The following MIB1 variants were observed in gnomAD, a reference collection of about 807,000 sequenced individuals.
MIB1 encodes the protein E3 ubiquitin-protein ligase MIB1.
In MIB1, 278 loss-of-function variants were observed where a neutral mutation model predicts 124.5. The ratio of observed to expected loss-of-function variants is 2.23; its 90% CI spans 2.02 to 2.47. The LOEUF (loss-of-function observed/expected upper bound fraction) is 2.47, where lower values mean the gene tolerates loss of function less well. Among genes scored for constraint, MIB1 ranks in the 30% most tolerant of loss-of-function variants. The probability of loss-of-function intolerance (pLI) is 0.00; values close to 1 mark genes in which losing one functional copy is unlikely to be tolerated. For synonymous variants in MIB1, 446 were observed against 429.4 expected (o/e 1.04, Z -0.48); for missense variants, 957 against 1,254.4 (o/e 0.76, Z 3.58).
Position 21,815,625 on chromosome 18 carries a change from G to A in MIB1, c.1489G>A (p.Gly497Ser). 6.2e-7 allele frequency: 1 copy of A among 1,613,716 alleles called. No homozygotes were observed. The highest frequency in any genetic ancestry group is 8.5e-7 in the Non-Finnish European group (1 of 1,179,722). ...CAATACTAATGATTAGGATAAAGAT[G>A]GTGATAGAGCAGTTCACCATGCAGC... ...NVDVEAEDKD[G>S]DRAVHHAAFG... The change falls in exon 11 of 21, where the codon GGT becomes AGT. Residue 497 changes from glycine (G) to serine (S), a missense_variant. Transcript: ENST00000261537.
chr18:21,750,523 T>C (rs2040962860), intron 1 of MIB1, among the ~76,000 whole-genome samples: 1 of 152,168 alleles, frequency 6.6e-6, no homozygotes, highest in Non-Finnish European at 1.5e-5. Context: ...GAGACGGGGT[T>C]TCACCGTGTT....
intron 4 of MIB1, among the ~76,000 whole-genome samples, chr18:21,774,457 A>G (rs1366628046): frequency 6.6e-6 from 1 of 152,132 alleles, no homozygotes; most frequent in Non-Finnish European, 1.5e-5. Context: ...GTTTGATGGC[A>G]TGTGCCTGTA....
chr18:21,755,630 T>C (rs2041023591), intron 1 of MIB1, among the ~76,000 whole-genome samples: 1 of 152,198 alleles, frequency 6.6e-6, no homozygotes, highest in Admixed American at 6.5e-5. Flanking sequence ...CTGGCTTTTA[T>C]AAAATGGACT....
At chr18:21,835,707 T>A (rs1280911885) in intron 12 of MIB1, among the ~76,000 whole-genome samples, 5 of 146,564 alleles carry the variant, frequency 3.4e-5, no homozygotes, top group Non-Finnish European at 7.5e-5. Context: ...GAGGTGGAGG[T>A]TGCAGTGAGC....
intron 12 of MIB1, among the ~76,000 whole-genome samples, chr18:21,823,159 A>G (rs1366062066): frequency 6.6e-6 from 1 of 151,674 alleles, no homozygotes; most frequent in Non-Finnish European, 1.5e-5. Context: ...ACCTGAACCC[A>G]GGAAGCAGAG....
At chr18:21,807,390 C>A (rs925333857) in intron 10 of MIB1, among the ~76,000 whole-genome samples, 1 of 152,170 alleles carries the variant, frequency 6.6e-6, no homozygotes, top group Non-Finnish European at 1.5e-5. Flanking sequence ...TGAAATTGCA[C>A]CACTGCACTC....
In MIB1 at chr18:21,777,559, A is replaced by T. The variant is rs192295755; in HGVS notation, c.637-544A>T. 8.8e-3 allele frequency among the ~76,000 whole-genome samples: 1,334 copies of T among 151,714 alleles called. 67 individuals are homozygous for T. Among genetic ancestry groups the T allele is most frequent in the Admixed American group, 0.081 (1,228 of 15,216 alleles). ...AAGATTCAGACATTTTATTTTATTT[A>T]TTTATTTTTTGAGACAGAGTCTCCT... On this transcript the variant is annotated intron_variant, in intron 4 of 20. Coordinates refer to ENST00000261537, the MANE Select transcript of MIB1 (RefSeq NM_020774.4).
rs773264935 is a variant in MIB1, at chr18:21,803,896, A to G, written c.1372-11A>G. ...CATTCATTCTTTCATTCTTTTTTTT[A>G]AAAAATGTAGGTAAATGGGCAATGT... On this transcript the variant is annotated splice_polypyrimidine_tract_variant and intron_variant, in intron 9 of 20. Coordinates refer to ENST00000261537, the MANE Select transcript of MIB1 (RefSeq NM_020774.4). 3 of 1,593,912 alleles carry G rather than the reference A, an allele frequency of 1.9e-6. No individual in the cohort carries two copies. The Admixed American group carries it at 5.1e-5, about 27-fold the overall frequency.
At chr18:21,863,174 G>T (rs982912502) in intron 20 of MIB1, among the ~76,000 whole-genome samples, 8 of 152,200 alleles carry the variant, frequency 5.3e-5, no homozygotes, top group African/African-American at 1.7e-4. Flanking sequence ...GCACCCAGGT[G>T]GGGGTGCCTG....
intron 10 of MIB1, among the ~76,000 whole-genome samples, chr18:21,812,690 G>A (rs1166217696): frequency 6.6e-6 from 1 of 152,152 alleles, no homozygotes; most frequent in Non-Finnish European, 1.5e-5. Flanking sequence ...GCAGGTTTTG[G>A]AAAATGGAGA....
At chr18:21,762,256 C>T (rs1413432231) in intron 1 of MIB1, among the ~76,000 whole-genome samples, 2 of 152,044 alleles carry the variant, frequency 1.3e-5, no homozygotes, top group African/African-American at 4.8e-5. Flanking sequence ...TTTGACCCTG[C>T]CTTCAATGTT....
In MIB1 at chr18:21,815,830, AAC is replaced by A; in HGVS notation, c.1677+21_1677+22del. The A allele has an allele frequency of 6.2e-7, 1 of 1,607,486 alleles. No individual in the cohort carries two copies. Among genetic ancestry groups the A allele is most frequent in the Non-Finnish European group, 8.5e-7 (1 of 1,173,960 alleles). ...AGTCTCCAGGTAAAACCTTTAAAGA[AAC>A]ACATCCTGCAGGTATTGCTAGGATC... On this transcript the variant is annotated intron_variant, in intron 11 of 20. Transcript: ENST00000261537.
chr18:21,829,054 A>G (rs1178681704), intron 12 of MIB1: 3 of 483,068 alleles, frequency 6.2e-6, no homozygotes, highest in South Asian at 3.1e-5. Flanking sequence ...GTATGTTCAT[A>G]TGGGTACATA....
intron 1 of MIB1, among the ~76,000 whole-genome samples, chr18:21,712,521 A>C (rs1324129681): frequency 1.3e-5 from 2 of 152,206 alleles, no homozygotes; most frequent in Non-Finnish European, 2.9e-5. Context: ...AGAGAAAGCC[A>C]CATAGCAGCG....
intron 20 of MIB1, among the ~76,000 whole-genome samples, chr18:21,859,655 G>GAGGCGAGCAGATCACTTGAGGTC (rs1389190960): frequency 1.3e-5 from 2 of 151,968 alleles, no homozygotes; most frequent in African/African-American, 4.8e-5. Context: ...TTGGGAGGCT[G>GAGGCGAGCAGATCACTTGAGGTC]AGGCGAGCAG....
At chr18:21,779,750 A>G in intron 6 of MIB1, 65 bp downstream of exon 6, 1 of 1,296,502 alleles carries the variant, frequency 7.7e-7, no homozygotes, top group Non-Finnish European at 1.1e-6. Flanking sequence ...AGTCTTAGAG[A>G]AAGCAAATAA....
At chr18:21,717,150 G>C (rs2040693188) in intron 1 of MIB1, among the ~76,000 whole-genome samples, 1 of 152,072 alleles carries the variant, frequency 6.6e-6, no homozygotes, top group Non-Finnish European at 1.5e-5. Flanking sequence ...AAAGAAAGTG[G>C]GGAAAGGACA....
Position 21,741,235 on chromosome 18 carries a change from C to G in MIB1, c.-349C>G, listed in dbSNP as rs890179403. On this transcript the variant is annotated 5_prime_UTR_variant, in exon 1 of 21. Coordinates refer to ENST00000261537, the MANE Select transcript of MIB1 (RefSeq NM_020774.4). This position sits in a 1 kb window ranked among gnomAD's most constrained non-coding sequence, Gnocchi z 5.4. ...CCTCGCGCTGCCGGCCGGGGGAGAG[C>G]GTGGTTTCCTTGCGGCCGTCGCTGT... The G allele has an allele frequency of 2.0e-5, 3 of 153,120 alleles. No homozygotes were observed. Among genetic ancestry groups the G allele is most frequent in the African/African-American group, 7.2e-5 (3 of 41,500 alleles). The allele number at this position is 153,120 out of a possible 1,614,324, so 9.5% of individuals were successfully genotyped here.
At chr18:21,785,624 A>G (rs73428083) in intron 6 of MIB1, among the ~76,000 whole-genome samples, 1 of 152,176 alleles carries the variant, frequency 6.6e-6, no homozygotes, top group Non-Finnish European at 1.5e-5. Context: ...TTTTAGTCTT[A>G]TGCTAGAGTT....
Sources: gnomAD v4.1 joint callset for allele counts (sites outside exome capture counted in the v4.1 genomes callset) on GRCh38, gnomAD v4.1.1 for gene constraint, Gnocchi (gnomAD v3.1) non-coding constraint, MANE v1.5 for transcripts, NCBI Gene and HGNC (gene_info 2026-07-23, HGNC 2026-07-21) for gene names.